Variants in CHODL observed in about 807,000 individuals in gnomAD.
CHODL encodes chondrolectin.
CHODL carries 29 observed loss-of-function variants against 34.5 expected under a neutral mutation model. The ratio of observed to expected loss-of-function variants is 0.84; its 90% confidence interval spans 0.63 to 1.15. The LOEUF is 1.15. Ranked by LOEUF, CHODL falls within the 50% of genes most tolerant of loss-of-function variation. CHODL has a pLI of 0.00. For synonymous variants in CHODL, 125 were observed against 116.1 expected (o/e 1.08, Z -0.49); for missense variants, 332 against 332.5 (o/e 1.00, Z 0.01).
chr21:18,017,979 G>A (rs558317975), intron 1 of CHODL, among the ~76,000 whole-genome samples: 1 of 152,336 alleles, frequency 6.6e-6, no homozygotes, highest in African/African-American at 2.4e-5. Flanking sequence ...TTACCTTGGA[G>A]CTTTGTGATT....
At chr21:17,976,874 G>A (rs2063667291) in intron 1 of CHODL, among the ~76,000 whole-genome samples, 1 of 152,182 alleles carries the variant, frequency 6.6e-6, no homozygotes, top group Admixed American at 6.5e-5. Context: ...CAGTGGTGGT[G>A]TGACATCAGT....
At chr21:18,054,921 T>C (rs1223840545) in intron 2 of CHODL, among the ~76,000 whole-genome samples, 2 of 152,008 alleles carry the variant, frequency 1.3e-5, no homozygotes, top group African/African-American at 2.4e-5. Flanking sequence ...CCTCTGTTTT[T>C]CCAGCTCATT....
chr21:18,261,240 G>C (rs1264027547), intron 4 of CHODL, among the ~76,000 whole-genome samples: 1 of 151,990 alleles, frequency 6.6e-6, no homozygotes, highest in East Asian at 1.9e-4. Flanking sequence ...ATGATATTAA[G>C]GCTTAGTGCT....
chr21:17,967,911 C>G (rs189614614), intron 1 of CHODL, among the ~76,000 whole-genome samples: 3 of 152,048 alleles, frequency 2.0e-5, no homozygotes, highest in African/African-American at 7.2e-5. Flanking sequence ...TTGGTTGATA[C>G]GTCGGATGGT....
chr21:17,973,540 C>T (rs2063635189), intron 1 of CHODL, among the ~76,000 whole-genome samples: 2 of 151,722 alleles, frequency 1.3e-5, no homozygotes, highest in East Asian at 3.9e-4. Context: ...CCTCAGCCTC[C>T]CAAGTAGCTG....
rs1164261242 is a variant in CHODL, at chr21:18,251,660, TTTTA to T, written c.80-4837_80-4834del. 1.2e-3 allele frequency among the ~76,000 whole-genome samples: 144 copies of T among 118,010 alleles called. 2 individuals carry two copies. The highest frequency in any genetic ancestry group is 5.6e-3 in the African/African-American group (136 of 24,500). The allele number at this position is 118,010 out of a possible 152,430, so 77.4% of individuals were successfully genotyped here. ...TTTATTTTAATATATAAAATATTTATTTTATTTATTTATTTTAATATATAAAATA... is the reference window on the plus strand; with the variant it reads ...TTTATTTTAATATATAAAATATTTATTTTATTTATTTTAATATATAAAATA... On this transcript the variant is annotated intron_variant, in intron 1 of 5. Transcript: ENST00000299295.
chr21:18,262,212 C>T (rs1290113058), intron 4 of CHODL, among the ~76,000 whole-genome samples: 1 of 151,980 alleles, frequency 6.6e-6, no homozygotes, highest in Non-Finnish European at 1.5e-5. Flanking sequence ...TTCAATTTTC[C>T]GTTCAGTAAA....
At chr21:18,081,025 A>G (rs973842964) in intron 2 of CHODL, among the ~76,000 whole-genome samples, 4 of 152,106 alleles carry the variant, frequency 2.6e-5, no homozygotes, top group African/African-American at 7.2e-5. Context: ...CTAGTGTTTT[A>G]TAGTTCTCCT....
At chr21:18,260,850 A>AACAATAAC (rs1568963338) in intron 4 of CHODL, among the ~76,000 whole-genome samples, 1 of 108,768 alleles carries the variant, frequency 9.2e-6, no homozygotes, top group African/African-American at 4.4e-5. Flanking sequence ...ACAACAACAA[A>AACAATAAC]AAAACACCAC....
At chr21:17,998,327 T>C (rs1404579487) in intron 1 of CHODL, among the ~76,000 whole-genome samples, 5 of 152,224 alleles carry the variant, frequency 3.3e-5, no homozygotes, top group Non-Finnish European at 7.3e-5. Context: ...CTCTCCTGGC[T>C]GCTTTCATGG....
At chr21:17,992,049 C>G (rs1454584173) in intron 1 of CHODL, among the ~76,000 whole-genome samples, 1 of 151,964 alleles carries the variant, frequency 6.6e-6, no homozygotes, top group African/African-American at 2.4e-5. Context: ...TATTGATATC[C>G]AGTTTTCCCA....
At chr21:18,183,832 C>T (rs1203964069) in intron 2 of CHODL, among the ~76,000 whole-genome samples, 2 of 152,090 alleles carry the variant, frequency 1.3e-5, no homozygotes, top group Non-Finnish European at 2.9e-5. Context: ...GAAAAAGAAA[C>T]GATCAGTTGA....
intron 2 of CHODL, among the ~76,000 whole-genome samples, chr21:18,109,171 A>G (rs888968904): frequency 6.6e-6 from 1 of 152,130 alleles, no homozygotes; most frequent in Non-Finnish European, 1.5e-5. Context: ...GGGATGACTT[A>G]TATTATTTAT....
At chr21:17,964,627 GTTAAGGA>G (rs1179012600) in intron 1 of CHODL, among the ~76,000 whole-genome samples, 3 of 152,158 alleles carry the variant, frequency 2.0e-5, no homozygotes, top group Non-Finnish European at 4.4e-5. Flanking sequence ...TTTCTAACAG[GTTAAGGA>G]TTATTTCCCA....
chr21:17,933,662 C>G (rs1182214983), intron 1 of CHODL, among the ~76,000 whole-genome samples: 1 of 134,554 alleles, frequency 7.4e-6, no homozygotes, highest in African/African-American at 2.4e-5. Flanking sequence ...CAGTAACAAT[C>G]CGATCTCTCT....
At chr21:18,136,712 A>G (rs1462917614) in intron 2 of CHODL, among the ~76,000 whole-genome samples, 3 of 122,214 alleles carry the variant, frequency 2.5e-5, no homozygotes, top group Non-Finnish European at 3.4e-5. Context: ...AAGAAGGTAA[A>G]TCAAAGCATA....
At chr21:18,259,584 GGAAA>G (rs985145492) in intron 3 of CHODL, among the ~76,000 whole-genome samples, 3 of 152,032 alleles carry the variant, frequency 2.0e-5, no homozygotes, top group African/African-American at 7.3e-5. Context: ...ATAAAACTAG[GGAAA>G]GAAACAACTT....
chr21:17,990,930 T>C (rs943745382), intron 1 of CHODL, among the ~76,000 whole-genome samples: 1 of 152,126 alleles, frequency 6.6e-6, no homozygotes, highest in African/African-American at 2.4e-5. Flanking sequence ...TCTAATGATA[T>C]GTTTGGACCT....
At chr21:17,944,284 G>C (rs930285293) in intron 1 of CHODL, among the ~76,000 whole-genome samples, 19 of 152,178 alleles carry the variant, frequency 1.2e-4, no homozygotes, top group African/African-American at 4.6e-4. Flanking sequence ...TCTCAGAAAA[G>C]TTAAGTGGCT....
Sources: gnomAD v4.1 joint callset for allele counts (sites outside exome capture counted in the v4.1 genomes callset) on GRCh38, gnomAD v4.1.1 for gene constraint, MANE v1.5 for transcripts, NCBI Gene and HGNC (gene_info 2026-07-23, HGNC 2026-07-21) for gene names.